MTSS1: variants seen among roughly 807,000 people sequenced by gnomAD.
MTSS1 encodes the protein protein MTSS 1.
Under a neutral mutation model 79.0 loss-of-function variants are expected in MTSS1, and 18 were observed. That is an observed-to-expected ratio of 0.23 (90% CI 0.16 to 0.34). The LOEUF (loss-of-function observed/expected upper bound fraction) is 0.34, where lower values mean the gene tolerates loss of function less well. Among genes scored for constraint, MTSS1 ranks in the 10% least tolerant of loss-of-function variants. The probability of loss-of-function intolerance (pLI) is 1.00; values close to 1 mark genes in which losing one functional copy is unlikely to be tolerated. For synonymous variants in MTSS1, 341 were observed against 368.6 expected (o/e 0.93, Z 0.86); for missense variants, 815 against 986.2 (o/e 0.83, Z 2.33).
At position 124,553,498 on chromosome 8, in the gene MTSS1, T is replaced by G; in HGVS notation, c.1762A>C (p.Thr588Pro). 6.2e-7 allele frequency: 1 copy of G among 1,613,468 alleles called. No homozygotes were observed. Among genetic ancestry groups the G allele is most frequent in the Non-Finnish European group, 8.5e-7 (1 of 1,179,588 alleles). ...TTGGTGGAAGGGGTCCGTCGGATAG[T>G]TGCAACCCCTGGAGTGACCATAGCA... The part of the protein sequence containing the change: ...GPAMVTPGVA[T>P]IRRTPSTKPS... Residue 588 changes from threonine to proline, a missense_variant, in exon 14 of 14, where the codon ACT becomes CCT. Thr to Pro is a conservative substitution (Grantham distance 38). This residue lies in a region of MTSS1 where 590 missense variants were observed against 620.8 expected (regional missense o/e 0.95). Transcript: ENST00000518547. This position sits in a 1 kb window ranked among gnomAD's most constrained non-coding sequence, Gnocchi z 6.0.
At position 124,715,189 on chromosome 8, in the gene MTSS1, T is replaced by A. The variant is rs562178780; in HGVS notation, c.73-10998A>T. ...ACTGCTTCTGCATTTTAGGGATTAG[T>A]TCCTCTTGGGGCCAATCTCTCCAAT... is the stretch of plus-strand genomic sequence containing the variant. On this transcript the variant is annotated intron_variant, in intron 1 of 13. Coordinates refer to ENST00000518547, the MANE Select transcript of MTSS1 (RefSeq NM_014751.6). Among the ~76,000 whole-genome samples, 7 of 152,292 alleles carry A rather than the reference T, an allele frequency of 4.6e-5. No homozygotes were observed. The South Asian group carries it at 1.5e-3, about 32-fold the overall frequency.
At chr8:124,714,110 T>C (rs964939905) in intron 1 of MTSS1, among the ~76,000 whole-genome samples, 2 of 152,204 alleles carry the variant, frequency 1.3e-5, no homozygotes, top group African/African-American at 2.4e-5. Flanking sequence ...AAGAGGTTTA[T>C]GGTTAGTCAC....
intron 6 of MTSS1, among the ~76,000 whole-genome samples, chr8:124,578,168 G>A (rs1024537634): frequency 3.9e-5 from 6 of 152,090 alleles, no homozygotes; most frequent in East Asian, 1.9e-4. Context: ...GTGGGGAGAC[G>A]CGGTCCAGGA....
intron 3 of MTSS1, among the ~76,000 whole-genome samples, chr8:124,636,465 G>A (rs913900866): frequency 6.6e-6 from 1 of 152,186 alleles, no homozygotes; most frequent in Non-Finnish European, 1.5e-5. Flanking sequence ...TTCTAAATGT[G>A]TTTGAGACTC....
At chr8:124,627,115 C>A (rs1037506326) in intron 3 of MTSS1, among the ~76,000 whole-genome samples, 4 of 152,072 alleles carry the variant, frequency 2.6e-5, no homozygotes, top group African/African-American at 9.7e-5. Flanking sequence ...CCACCAGGGT[C>A]TCAAAAGAGA....
intron 1 of MTSS1, among the ~76,000 whole-genome samples, chr8:124,717,002 TAAAAAAA>T: frequency 7.6e-6 from 1 of 132,408 alleles, no homozygotes; most frequent in African/African-American, 2.7e-5. Context: ...TTATAATTAG[TAAAAAAA>T]AAAAAAAAAA....
intron 3 of MTSS1, among the ~76,000 whole-genome samples, chr8:124,687,746 G>A (rs951331912): frequency 1.3e-5 from 2 of 152,168 alleles, no homozygotes; most frequent in Non-Finnish European, 2.9e-5. Context: ...GTTTACTATC[G>A]CCTCCACAAT....
intron 3 of MTSS1, among the ~76,000 whole-genome samples, chr8:124,680,627 A>G (rs1825974626): frequency 6.6e-6 from 1 of 152,262 alleles, no homozygotes; most frequent in South Asian, 2.1e-4. Flanking sequence ...TACCAATAGT[A>G]TAGTATTAAA....
Position 124,552,419 on chromosome 8 carries a change from C to G in MTSS1, c.*573G>C, listed in dbSNP as rs1172479112. 6.5e-6 allele frequency: 1 copy of G among 154,378 alleles called. No individual in the cohort carries two copies. Among genetic ancestry groups the G allele is most frequent in the Non-Finnish European group, 1.4e-5 (1 of 69,302 alleles). 9.6% of individuals were successfully genotyped at this position (154,378 alleles called of 1,614,324 possible). A position where few individuals can be genotyped will look rare whatever the true frequency, so the allele number is the denominator to read the frequency against. ...TCCCCCCAATCCCAACACAGTCTAC[C>G]ATTTCCAGATTTACTTCACTCTGAA... On this transcript the variant is annotated 3_prime_UTR_variant, in exon 14 of 14. Transcript: ENST00000518547.
At chr8:124,648,947 A>G (rs1004183838) in intron 3 of MTSS1, among the ~76,000 whole-genome samples, 24 of 152,166 alleles carry the variant, frequency 1.6e-4, no homozygotes, top group African/African-American at 5.8e-4. Context: ...TATGAGACAT[A>G]CTCCAAGTAG....
At chr8:124,569,813 T>C (rs1827351100) in intron 6 of MTSS1, among the ~76,000 whole-genome samples, 1 of 152,204 alleles carries the variant, frequency 6.6e-6, no homozygotes, top group East Asian at 1.9e-4. Flanking sequence ...GACCAAGTCC[T>C]AGAGAAGTCA....
intron 3 of MTSS1, among the ~76,000 whole-genome samples, chr8:124,652,750 G>A (rs547154475): frequency 1.0e-4 from 15 of 147,196 alleles, no homozygotes; most frequent in South Asian, 4.3e-4. Flanking sequence ...AGCCGAGATC[G>A]TGCCATTGCA....
At chr8:124,605,692 G>A (rs1345713330) in intron 3 of MTSS1, among the ~76,000 whole-genome samples, 15 of 151,800 alleles carry the variant, frequency 9.9e-5, no homozygotes, top group Non-Finnish European at 2.9e-5. Flanking sequence ...CCTTGAACCC[G>A]CTAGCACCTA....
intron 10 of MTSS1, chr8:124,558,595 C>A: frequency 7.5e-7 from 1 of 1,333,742 alleles, no homozygotes; most frequent in Non-Finnish European, 9.9e-7. Context: ...CCAAGAGGAG[C>A]CCCACTCTTG....
At chr8:124,636,713 CT>C (rs1410166131) in intron 3 of MTSS1, among the ~76,000 whole-genome samples, 1 of 152,162 alleles carries the variant, frequency 6.6e-6, no homozygotes, top group Admixed American at 6.5e-5. Flanking sequence ...CAAAGTCTTC[CT>C]TGACAATCCG....
chr8:124,586,815 C>A (rs1201887226), intron 5 of MTSS1, among the ~76,000 whole-genome samples: 3 of 152,050 alleles, frequency 2.0e-5, no homozygotes, highest in African/African-American at 7.2e-5. Context: ...CTGTATGTGA[C>A]CCCAAAGAAG....
chr8:124,688,336 G>A (rs1230740010), intron 3 of MTSS1, among the ~76,000 whole-genome samples: 1 of 67,948 alleles, frequency 1.5e-5, no homozygotes, highest in Non-Finnish European at 2.9e-5. Flanking sequence ...GTACGTCTGT[G>A]TGTATGTGTG....
At chr8:124,566,463 C>A (rs1417354785) in intron 8 of MTSS1, among the ~76,000 whole-genome samples, 1 of 152,178 alleles carries the variant, frequency 6.6e-6, no homozygotes, top group African/African-American at 2.4e-5. Context: ...AAGATTGTTA[C>A]CAAGCACAAA....
Position 124,704,241 on chromosome 8 carries a change from T to C in MTSS1, c.73-50A>G, listed in dbSNP as rs556647978. 4.0e-6 allele frequency: 6 copies of C among 1,495,076 alleles called. No homozygotes were observed. In the African/African-American group the frequency reaches 6.9e-5, roughly 17 times the overall value. 92.6% of individuals were successfully genotyped at this position (1,495,076 alleles called of 1,614,324 possible). ...AAGTCACACTGCGATAGACATCTGA[T>C]TACTACATTAACAGAGCACCCAATT... On this transcript the variant is annotated intron_variant, in intron 1 of 13. Coordinates refer to ENST00000518547, the MANE Select transcript of MTSS1 (RefSeq NM_014751.6).
Sources: gnomAD v4.1 joint callset for allele counts (sites outside exome capture counted in the v4.1 genomes callset) on GRCh38, gnomAD v4.1.1 for gene constraint, gnomAD v4.1.1 regional missense constraint, Gnocchi (gnomAD v3.1) non-coding constraint, MANE v1.5 for transcripts, NCBI Gene and HGNC (gene_info 2026-07-23, HGNC 2026-07-21) for gene names.